The following CHL1 variants were observed in gnomAD, a reference collection of about 807,000 sequenced individuals.
CHL1 encodes the protein neural cell adhesion molecule L1-like protein.
Under a neutral mutation model 141.9 loss-of-function variants are expected in CHL1, and 96 were observed. The observed-to-expected ratio is 0.68, with a 90% CI of 0.57 to 0.80. The LOEUF (loss-of-function observed/expected upper bound fraction) is 0.80. Among genes scored for constraint, CHL1 ranks in the 30% least tolerant of loss-of-function variants. CHL1 has a pLI of 0.00. For missense variants in CHL1, 1,820 were observed against 1,457.2 expected, an observed-to-expected ratio of 1.25 and a Z score of -4.05; for synonymous variants, 613 against 502.2, an observed-to-expected ratio of 1.22 and a Z score of -2.95.
intron 1 of CHL1, among the ~76,000 whole-genome samples, chr3:237,999 A>C (rs13097913): frequency 0.58 from 88,483 of 151,996 alleles, 27,521 homozygotes; most frequent in Non-Finnish European, 0.7. Flanking sequence ...ACATTAACAA[A>C]GTATCGTATT....
intron 15 of CHL1, chr3:376,409 C>T (rs770243620): frequency 3.9e-6 from 2 of 516,876 alleles, no homozygotes; most frequent in South Asian, 1.4e-5. Context: ...TGGAACACGA[C>T]ATTTTTAATA....
intron 3 of CHL1, among the ~76,000 whole-genome samples, chr3:322,468 C>T (rs929362882): frequency 6.0e-5 from 9 of 150,234 alleles, no homozygotes; most frequent in Middle Eastern, 3.4e-3. Context: ...AAACCTAAGA[C>T]GCCATTTTTT....
intron 2 of CHL1, among the ~76,000 whole-genome samples, chr3:256,859 C>T (rs775260303): frequency 1.3e-5 from 2 of 152,164 alleles, no homozygotes; most frequent in African/African-American, 2.4e-5. Flanking sequence ...AATCAGACAA[C>T]ATTATTTTAC....
intron 2 of CHL1, among the ~76,000 whole-genome samples, chr3:306,606 C>T (rs909512377): frequency 3.6e-4 from 55 of 151,982 alleles, no homozygotes; most frequent in African/African-American, 1.3e-3. Context: ...TTTTGTATCA[C>T]TGTTTGGTGT....
At chr3:303,590 G>C (rs905262334) in intron 2 of CHL1, among the ~76,000 whole-genome samples, 29 of 152,330 alleles carry the variant, frequency 1.9e-4, no homozygotes, top group African/African-American at 6.7e-4. Context: ...TTTGTATCCT[G>C]AGGCTTTGCT....
At chr3:229,670 C>T (rs1296450067) in intron 1 of CHL1, among the ~76,000 whole-genome samples, 2 of 151,980 alleles carry the variant, frequency 1.3e-5, no homozygotes, top group Non-Finnish European at 2.9e-5. Context: ...TACATTTTAT[C>T]GACTCTTGGT....
At chr3:266,923 T>A (rs1695206628) in intron 2 of CHL1, among the ~76,000 whole-genome samples, 1 of 152,128 alleles carries the variant, frequency 6.6e-6, no homozygotes, top group African/African-American at 2.4e-5. Flanking sequence ...CATTTCACCC[T>A]CCCCTTACTT....
intron 2 of CHL1, among the ~76,000 whole-genome samples, chr3:296,628 G>C (rs1161365506): frequency 6.6e-6 from 1 of 152,174 alleles, no homozygotes; most frequent in Non-Finnish European, 1.5e-5. Flanking sequence ...ACTCATTGCA[G>C]CAGCCTGAAG....
intron 1 of CHL1, among the ~76,000 whole-genome samples, chr3:239,032 A>G (rs1315928655): frequency 6.6e-6 from 1 of 152,114 alleles, no homozygotes; most frequent in Non-Finnish European, 1.5e-5. Context: ...GCAGCTGTCA[A>G]GGTTCATATG....
chr3:252,066 C>T (rs539221634), intron 2 of CHL1, among the ~76,000 whole-genome samples: 1 of 151,958 alleles, frequency 6.6e-6, no homozygotes, highest in Non-Finnish European at 1.5e-5. Flanking sequence ...ACTTAGAGAC[C>T]ACCAGAAATT....
intron 9 of CHL1, among the ~76,000 whole-genome samples, chr3:347,853 G>A (rs1702896408): frequency 6.6e-6 from 1 of 152,132 alleles, no homozygotes; most frequent in African/African-American, 2.4e-5. Flanking sequence ...CTCTTAGCCT[G>A]GTAAAATATA....
chr3:318,264 T>A (rs1182814714), intron 2 of CHL1, among the ~76,000 whole-genome samples: 1 of 151,892 alleles, frequency 6.6e-6, no homozygotes, highest in Non-Finnish European at 1.5e-5. Context: ...GTCTATAATA[T>A]CTTAAGATGC....
chr3:271,119 C>G (rs1695597932), intron 2 of CHL1, among the ~76,000 whole-genome samples: 1 of 151,930 alleles, frequency 6.6e-6, no homozygotes, highest in African/African-American at 2.4e-5. Flanking sequence ...AATACTGCTC[C>G]AATCAAAAAA....
At chr3:357,299 T>A (rs150510256) in intron 11 of CHL1, among the ~76,000 whole-genome samples, 1,606 of 152,332 alleles carry the variant, frequency 0.011, 8 homozygotes, top group South Asian at 0.023. Flanking sequence ...GAAACCTCTT[T>A]AAGCTTATTT....
At chr3:337,840 C>T (rs533693529) in intron 5 of CHL1, among the ~76,000 whole-genome samples, 1 of 152,122 alleles carries the variant, frequency 6.6e-6, no homozygotes, top group Non-Finnish European at 1.5e-5. Context: ...CATATGTGTG[C>T]ATGTGTCTTC....
At chr3:290,431 A>G (rs1409561908) in intron 2 of CHL1, among the ~76,000 whole-genome samples, 1 of 152,222 alleles carries the variant, frequency 6.6e-6, no homozygotes, top group Admixed American at 6.5e-5. Flanking sequence ...GAGAACAGAC[A>G]GTATTTATAT....
rs1575164536 is a variant in CHL1, at chr3:361,894, T to C, written c.1418+84T>C. The stretch of plus-strand genomic sequence containing the variant: ...TCTTCATCCGTCATTTGACAGGCTG[T>C]ATTGTGTCTATATTGTTACATGTAC... On this transcript the variant is annotated intron_variant, in intron 13 of 27. Transcript: ENST00000256509. The C allele has an allele frequency of 6.4e-6, 6 of 939,196 alleles. No individual in the cohort carries two copies. The East Asian group carries it at 1.4e-4, about 23-fold the overall frequency. 58.2% of individuals were successfully genotyped at this position (939,196 alleles called of 1,614,324 possible).
chr3:236,343 C>A (rs1472476652), intron 1 of CHL1, among the ~76,000 whole-genome samples: 1 of 152,140 alleles, frequency 6.6e-6, no homozygotes, highest in Non-Finnish European at 1.5e-5. Flanking sequence ...TGGATGAAAA[C>A]CCCAAAGTGT....
chr3:381,261 G>C (rs144776446), intron 16 of CHL1, among the ~76,000 whole-genome samples: 1 of 152,290 alleles, frequency 6.6e-6, no homozygotes, highest in Non-Finnish European at 1.5e-5. Context: ...AGACCCCAGA[G>C]CCTGATGCGA....
Sources: allele counts gnomAD v4.1 joint callset (sites outside exome capture counted in the v4.1 genomes callset), GRCh38; gene constraint gnomAD v4.1.1; transcripts MANE v1.5; gene names NCBI Gene and HGNC (gene_info 2026-07-23, HGNC 2026-07-21).